The following HCFC1 variants were observed in gnomAD, a reference collection of about 807,000 sequenced individuals.
HCFC1 encodes the protein host cell factor C1, also known as host cell factor 1.
HCFC1 carries 7 observed loss-of-function variants against 105.5 expected under a neutral mutation model. The ratio of observed to expected loss-of-function variants is 0.07; its 90% CI spans 0.04 to 0.12. The LOEUF is 0.12. Ranked by LOEUF, HCFC1 falls within the 10% of genes least tolerant of loss-of-function variation. The pLI, the probability that HCFC1 is intolerant of heterozygous loss-of-function variation, is 1.00. For synonymous variants in HCFC1, 918 were observed against 828.1 expected (o/e 1.11, Z -1.86); for missense variants, 1,065 against 1,823.6 (o/e 0.58, Z 7.58).
chrX:153,950,361 C>A lies in HCFC1; in HGVS notation c.5886G>T (p.Gln1962His). The A allele has an allele frequency of 8.3e-7, 1 of 1,211,032 alleles. No individual in the cohort carries two copies. The highest frequency in any genetic ancestry group is 1.1e-6 in the Non-Finnish European group (1 of 895,137). The part of the protein sequence containing the change: ...YCGPSPSCLV[Q>H]SSSLSNAHID... The stretch of plus-strand genomic sequence containing the variant: ...TGTGGGCGTTGGAAAGGCTGGAGGA[C>A]TGCACCAGGCAGGAGGGGCTGGGCC... The change falls in exon 24 of 26, where the codon CAG becomes CAT. Residue 1962 changes from glutamine (Q) to histidine (H), a missense_variant. This residue lies in a region of HCFC1 where 32 missense variants were observed against 68.3 expected (regional missense o/e 0.47). Transcript: ENST00000310441.
intron 6 of HCFC1, 92 bp from the exon 7 acceptor site, chrX:153,960,506 G>A (rs938433816): frequency 1.7e-6 from 1 of 584,248 alleles, no homozygotes; most frequent in Non-Finnish European, 2.6e-6. Context: ...TCAAGGATGG[G>A]AATTAAAATC....
chrX:153,952,493 C>T, intron 19 of HCFC1, 21 bp downstream of exon 19: 1 of 1,135,854 alleles, frequency 8.8e-7, no homozygotes, highest in South Asian at 2.1e-5. Flanking sequence ...CCGGCTTCCC[C>T]AGGGTTGCAC....
chrX:153,952,251 C>T (rs1001068985), intron 19 of HCFC1, 93 bp from the exon 20 acceptor site: 15 of 1,072,135 alleles, frequency 1.4e-5, no homozygotes, highest in African/African-American at 5.6e-5. Flanking sequence ...TCCTAGAGAC[C>T]CCGTCCACCT....
chrX:153,949,653 G>C, intron 24 of HCFC1, 37 bp from the exon 25 acceptor site: 1 of 1,118,838 alleles, frequency 8.9e-7, no homozygotes, highest in South Asian at 1.8e-5. Context: ...GCAGCATTGT[G>C]ACAGAACGAG....
rs1467852790 is a variant in HCFC1, at chrX:153,948,765, AG to A, written c.*581del. The A allele has an allele frequency of 8.9e-6, 1 of 111,786 alleles. No individual in the cohort carries two copies. 9.2% of individuals were successfully genotyped at this position (111,786 alleles called of 1,213,427 possible). On this transcript the variant is annotated 3_prime_UTR_variant, in exon 26 of 26. Transcript: ENST00000310441. ...TTTCTTTTTTAAAATGGGAAAGAAG[AG>A]GGGGAGGGTAGAAGAGGTGGGAGCA... is the stretch of plus-strand genomic sequence containing the variant.
chrX:153,949,273 G>C lies in HCFC1; in HGVS notation c.*74C>G, dbSNP rs1557111795. 3 of 855,102 alleles carry C rather than the reference G, an allele frequency of 3.5e-6. No individual in the cohort carries two copies. Among genetic ancestry groups the C allele is most frequent in the Non-Finnish European group, 5.1e-6 (3 of 584,347 alleles). The allele number at this position is 855,102 out of a possible 1,213,427, so 70.5% of individuals were successfully genotyped here. A position where few individuals can be genotyped will look rare whatever the true frequency, so the allele number is the denominator to read the frequency against. On this transcript the variant is annotated 3_prime_UTR_variant, in exon 26 of 26. Transcript: ENST00000310441. ...AAGTGCGAATGCTGGGACGGGGTGG[G>C]AGGGGTGGGCCCTGGCGGGTGTTCC...
At chrX:153,964,827 C>T in intron 1 of HCFC1, 101 bp from the exon 2 acceptor site, 1 of 887,675 alleles carries the variant, frequency 1.1e-6, no homozygotes, top group Non-Finnish European at 1.5e-6. Context: ...GGGGCTGAGC[C>T]AGCACCATCC....
chrX:153,950,891 C>T lies in HCFC1; in HGVS notation c.5625G>A (p.Gly1875=). 4 of 1,210,265 alleles carry T rather than the reference C, an allele frequency of 3.3e-6. No individual in the cohort carries two copies. Among genetic ancestry groups the T allele is most frequent in the East Asian group, 3.0e-5 (1 of 33,857 alleles). ...TAAAGGCTGAGATTTCGCTGAAGGG[C>T]CCCCGGCCACAGGCATTGATTCCGG... The part of the protein sequence containing the change: ...RVAGINACGR[G]PFSEISAFKT... Residue 1875 remains glycine, a synonymous_variant, in exon 23 of 26, where the codon GGG becomes GGA. Transcript: ENST00000310441.
At chrX:153,960,501 G>A in intron 6 of HCFC1, 87 bp from the exon 7 acceptor site, 1 of 616,511 alleles carries the variant, frequency 1.6e-6, no homozygotes, top group South Asian at 4.3e-5. Context: ...TGTTGTCAAG[G>A]ATGGGAATTA....
intron 9 of HCFC1, 60 bp from the exon 10 acceptor site, chrX:153,958,826 T>C: frequency 1.1e-6 from 1 of 947,272 alleles, no homozygotes; most frequent in Non-Finnish European, 1.4e-6. Flanking sequence ...CCCTGCTTGG[T>C]GGACCTCACC....
At position 153,955,127 on chromosome X, in the gene HCFC1, G is replaced by C; in HGVS notation, c.3272C>G (p.Ala1091Gly). Residue 1091 changes from alanine to glycine, a missense_variant, in exon 17 of 26, where the codon GCC becomes GGC. Physicochemically the swap from Ala to Gly is moderately conservative, Grantham distance 60 (BLOSUM62 0). Around this residue, in one of 17 missense-constraint regions of HCFC1, gnomAD observed 546 missense variants for 599.9 expected, o/e 0.91. Transcript: ENST00000310441. ...GGCCATGTTGGAGGTGGCGGTGGTG[G>C]CGGTGTTGGTGGTGCCCGTCTCGTG... ...ETHETGTTNT[A>G]TTATSNMAGQ... 8.3e-7 allele frequency: 1 copy of C among 1,211,395 alleles called. No individual in the cohort carries two copies. The highest frequency in any genetic ancestry group is 1.1e-6 in the Non-Finnish European group (1 of 895,255).
chrX:153,953,030 C>T (rs868992547), intron 18 of HCFC1, 72 bp from the exon 19 acceptor site: 1 of 900,179 alleles, frequency 1.1e-6, no homozygotes, highest in Non-Finnish European at 1.6e-6. Context: ...GTTATTTTGG[C>T]CGGGATGGGG....
At chrX:153,966,701 A>G (rs1201956278) in intron 1 of HCFC1, among the ~76,000 whole-genome samples, 1 of 112,641 alleles carries the variant, frequency 8.9e-6, no homozygotes, top group Non-Finnish European at 1.9e-5. Flanking sequence ...GTCACAGCGT[A>G]AAACAGAGAC....
Position 153,958,247 on chromosome X carries a change from C to T in HCFC1, c.1806G>A (p.Val602=). 8.3e-7 allele frequency: 1 copy of T among 1,202,974 alleles called. No individual in the cohort carries two copies. Among genetic ancestry groups the T allele is most frequent in the Non-Finnish European group, 1.1e-6 (1 of 887,564 alleles). The change falls in exon 11 of 26, where the codon GTG becomes GTA. Residue 602 remains valine (V), a splice_region_variant and synonymous_variant. Transcript: ENST00000310441. ...TCAGCATGCGAGTGGCAGGGTTGCT[C>T]ACCTGGAGGAGGCAGAGACGAGTGA... ...TVKVASSPVM[V]SNPATRMLKT...
chrX:153,961,656 T>C lies in HCFC1; in HGVS notation c.798-8A>G, dbSNP rs782526939. On this transcript the variant is annotated splice_polypyrimidine_tract_variant and splice_region_variant and intron_variant, in intron 5 of 25. Transcript: ENST00000310441. Reference sequence around the variant, plus strand: ...CCACCAAACACGTACATTCTGGGAGTGAGGAGGGAAGAGTGGGAAAGGATT... The same window carrying C: ...CCACCAAACACGTACATTCTGGGAGCGAGGAGGGAAGAGTGGGAAAGGATT... 1.5e-5 allele frequency: 17 copies of C among 1,162,027 alleles called. No homozygotes were observed. The South Asian group carries it at 2.2e-4, about 15-fold the overall frequency.
At chrX:153,949,737 G>T in intron 24 of HCFC1, 121 bp from the exon 25 acceptor site, 1 of 643,318 alleles carries the variant, frequency 1.6e-6, no homozygotes, top group Non-Finnish European at 2.5e-6. Flanking sequence ...AGCTGGCAAG[G>T]GTGGGGCGCC....
Position 153,970,943 on chromosome X carries a change from AGC to A in HCFC1, c.-105_-104del. ...TCGTCTAAGGCAGCTCTCACGGAGAAGCGGTTTCTCACACAGCGGTAGACGAC... is the reference window on the plus strand; with the variant it reads ...TCGTCTAAGGCAGCTCTCACGGAGAAGGTTTCTCACACAGCGGTAGACGAC... On this transcript the variant is annotated 5_prime_UTR_variant, in exon 1 of 26. Coordinates refer to ENST00000310441, the MANE Select transcript of HCFC1 (RefSeq NM_005334.3). 1.4e-6 allele frequency: 1 copy of A among 717,242 alleles called. No homozygotes were observed. Among genetic ancestry groups the A allele is most frequent in the Non-Finnish European group, 2.0e-6 (1 of 500,984 alleles). 59.1% of individuals were successfully genotyped at this position (717,242 alleles called of 1,213,427 possible). A position where few individuals can be genotyped will look rare whatever the true frequency, so the allele number is the denominator to read the frequency against.
Position 153,964,565 on chromosome X carries a change from G to A in HCFC1, c.342+13C>T. 8.4e-7 allele frequency: 1 copy of A among 1,187,920 alleles called. No homozygotes were observed. The highest frequency in any genetic ancestry group is 1.1e-6 in the Non-Finnish European group (1 of 881,841). On this transcript the variant is annotated intron_variant, in intron 2 of 25. Transcript: ENST00000310441. ...GGCCAAGGAGGCAGAGTGAGAACCT[G>A]GGGCTGCTTTACCTGGAGTTCGTAG...
chrX:153,952,435 G>A (rs1288671130), intron 19 of HCFC1, 79 bp downstream of exon 19: 1 of 1,014,656 alleles, frequency 9.9e-7, no homozygotes, highest in Non-Finnish European at 1.3e-6. Flanking sequence ...AGGGAAATGG[G>A]CTCCTCTTCC....
Sources: allele counts gnomAD v4.1 joint callset (sites outside exome capture counted in the v4.1 genomes callset), GRCh38; gene constraint gnomAD v4.1.1; regional missense constraint gnomAD v4.1.1; transcripts MANE v1.5; gene names NCBI Gene and HGNC (gene_info 2026-07-23, HGNC 2026-07-21).